PCDHA5: variants seen among roughly 807,000 people sequenced by gnomAD.
PCDHA5 encodes protocadherin alpha-5.
In PCDHA5, 43 loss-of-function variants were observed where a neutral mutation model predicts 61.6. The ratio of observed to expected loss-of-function variants is 0.70; its 90% CI spans 0.55 to 0.90. The LOEUF is 0.90. Among genes scored for constraint, PCDHA5 ranks in the 40% least tolerant of loss-of-function variants. The pLI, the probability that PCDHA5 is intolerant of heterozygous loss-of-function variation, is 0.00. For missense variants in PCDHA5, 1,298 were observed against 1,222.7 expected (o/e 1.06, Z -0.92); for synonymous variants, 627 against 543.9 (o/e 1.15, Z -2.13).
chr5:140,963,386 A>G (rs189164274), intron 1 of PCDHA5, among the ~76,000 whole-genome samples: 2 of 152,344 alleles, frequency 1.3e-5, no homozygotes, highest in Admixed American at 1.3e-4. Flanking sequence ...CTCTGTGCCA[A>G]GCTCCCTACT....
chr5:140,822,712 A>G lies in PCDHA5; in HGVS notation c.937A>G (p.Asn313Asp), dbSNP rs1374875942. 2.5e-6 allele frequency: 4 copies of G among 1,610,830 alleles called. No individual in the cohort carries two copies. Among genetic ancestry groups the G allele is most frequent in the African/African-American group, 2.7e-5 (2 of 74,872 alleles). ...VNGELDYEDY[N>D]SYEINIDAMD... ...CGGGGAACTGGATTATGAAGACTATAACTCATATGAAATTAATATTGATGC... is the reference window on the plus strand; with the variant it reads ...CGGGGAACTGGATTATGAAGACTATGACTCATATGAAATTAATATTGATGC... The change falls in exon 1 of 4, where the codon AAC (asparagine) becomes GAC (aspartate). Residue 313 changes from asparagine to aspartate, a missense_variant. Transcript: ENST00000529859.
chr5:140,871,588 T>C, intron 1 of PCDHA5: 1 of 1,463,366 alleles, frequency 6.8e-7, no homozygotes, highest in Non-Finnish European at 9.1e-7. Context: ...GAAAGTTTTA[T>C]GAATAACCAG....
intron 1 of PCDHA5, among the ~76,000 whole-genome samples, chr5:140,947,946 C>T (rs1396530064): frequency 2.0e-5 from 3 of 151,452 alleles, no homozygotes; most frequent in African/African-American, 7.3e-5. Flanking sequence ...AAAAGTGTTC[C>T]ATATTTTACA....
chr5:140,851,081 A>G, intron 1 of PCDHA5: 1 of 1,303,802 alleles, frequency 7.7e-7, no homozygotes, highest in Non-Finnish European at 1.0e-6. Flanking sequence ...TATAAACTGT[A>G]TATTAAATAG....
chr5:140,838,485 T>C (rs1233460301), intron 1 of PCDHA5, among the ~76,000 whole-genome samples: 2 of 151,892 alleles, frequency 1.3e-5, no homozygotes, highest in Non-Finnish European at 2.9e-5. Flanking sequence ...TGTTTTTGAT[T>C]ATTTGCTTTC....
At chr5:140,869,682 A>AGG in intron 1 of PCDHA5, 3 of 1,613,466 alleles carry the variant, frequency 1.9e-6, no homozygotes, top group Non-Finnish European at 2.5e-6. Context: ...AAAGACTGTC[A>AGG]CTTATTTTAA....
rs550257645 is a variant in PCDHA5 at position 140,858,423 on chromosome 5, A to G, written c.2352+34296A>G. 7.3e-5 allele frequency: 113 copies of G among 1,554,520 alleles called. 7 individuals carry two copies. In the South Asian group the frequency reaches 1.0e-3, roughly 14 times the overall value. On this transcript the variant is annotated intron_variant, in intron 1 of 3. Coordinates refer to ENST00000529859, the MANE Select transcript of PCDHA5 (RefSeq NM_018908.3). ...GGGGAAGATCAGTCTATTGGAGGGG[A>G]CCACTCTAGGAAGGTGGGTTATTAC...
chr5:140,869,918 G>A, intron 1 of PCDHA5: 1 of 1,611,272 alleles, frequency 6.2e-7, no homozygotes. Context: ...CGAGACGAAG[G>A]AGTCAATGGA....
chr5:140,935,835 A>G (rs1405712064), intron 1 of PCDHA5, among the ~76,000 whole-genome samples: 3 of 151,830 alleles, frequency 2.0e-5, no homozygotes, highest in Admixed American at 6.6e-5. Flanking sequence ...CACATATTCC[A>G]TACTGCTTAA....
At position 140,835,349 on chromosome 5, in the gene PCDHA5, T is replaced by C. The variant is rs2150234349; in HGVS notation, c.2352+11222T>C. ...GAGCACACAAGATCCCAGTCGAGGC[T>C]GTCGATAAAGGCTTCCCACCCCTGG... On this transcript the variant is annotated intron_variant, in intron 1 of 3. Coordinates refer to ENST00000529859, the MANE Select transcript of PCDHA5 (RefSeq NM_018908.3). 5.4e-5 allele frequency: 87 copies of C among 1,613,822 alleles called. No individual in the cohort carries two copies. In the Middle Eastern group the frequency reaches 9.9e-4, roughly 18 times the overall value.
Position 141,009,727 on chromosome 5 carries a change from C to T in PCDHA5, c.2601C>T (p.Pro867=), listed in dbSNP as rs781880006. The part of the protein sequence containing the change: ...YGPGNPKQSG[P]GELPDKFIIP... ...CAGGCAACCCCAAACAATCCGGTCC[C>T]GGTGAGTTGCCCGACAAATTCATTA... Residue 867 remains proline, a synonymous_variant, in exon 4 of 4, where the codon CCC becomes CCT. Coordinates refer to ENST00000529859, the MANE Select transcript of PCDHA5 (RefSeq NM_018908.3). The T allele has an allele frequency of 3.1e-6, 5 of 1,614,022 alleles. No homozygotes were observed. The highest frequency in any genetic ancestry group is 2.2e-5 in the East Asian group (1 of 44,886).
intron 1 of PCDHA5, among the ~76,000 whole-genome samples, chr5:140,921,272 C>T (rs2080137544): frequency 6.6e-6 from 1 of 152,074 alleles, no homozygotes; most frequent in African/African-American, 2.4e-5. Context: ...TTTATACTTA[C>T]TTGAAAAAAA....
At chr5:140,876,906 G>T (rs782762108) in intron 1 of PCDHA5, 13 of 1,613,908 alleles carry the variant, frequency 8.1e-6, no homozygotes, top group South Asian at 2.2e-5. Flanking sequence ...TCACGGTGTC[G>T]GCATGGGACG....
At chr5:140,966,488 C>A (rs1161799910) in intron 1 of PCDHA5, 8 of 440,132 alleles carry the variant, frequency 1.8e-5, no homozygotes, top group Admixed American at 8.7e-5. Flanking sequence ...TTTCCCTCCC[C>A]CTGGAGCTGT....
At chr5:140,839,904 A>G (rs2150301613) in intron 1 of PCDHA5, among the ~76,000 whole-genome samples, 18 of 152,076 alleles carry the variant, frequency 1.2e-4, no homozygotes, top group African/African-American at 4.3e-4. Context: ...AAGATGAAGT[A>G]ATAGAAGAAA....
At chr5:140,941,185 C>CTTTT (rs782102770) in intron 1 of PCDHA5, among the ~76,000 whole-genome samples, 28 of 102,174 alleles carry the variant, frequency 2.7e-4, no homozygotes, top group African/African-American at 6.8e-4. Flanking sequence ...CATCCTGCTT[C>CTTTT]TTTTTTTTTC....
At chr5:140,829,528 G>T (rs1554132046) in intron 1 of PCDHA5, 12 of 1,613,294 alleles carry the variant, frequency 7.4e-6, no homozygotes, top group Non-Finnish European at 1.0e-5. Flanking sequence ...CGGTGTCTGC[G>T]CGAGACGCGG....
chr5:141,004,627 T>C lies in PCDHA5; in HGVS notation c.2501-5000T>C, dbSNP rs538896289. On this transcript the variant is annotated intron_variant, in intron 3 of 3. Transcript: ENST00000529859. ...GCCTCATGCAGAGTCCTGGTTATGG[T>C]TGAAGAAAAATTTCCATTTTGGGCT... 3.9e-5 allele frequency among the ~76,000 whole-genome samples: 6 copies of C among 152,330 alleles called. No individual in the cohort carries two copies. The East Asian group carries it at 1.2e-3, about 29-fold the overall frequency.
At chr5:140,863,178 C>A (rs1420894530) in intron 1 of PCDHA5, 10 of 736,748 alleles carry the variant, frequency 1.4e-5, no homozygotes, top group Admixed American at 1.3e-4. Context: ...TGACTGCCAC[C>A]GTCACCGTGG....
Sources: allele counts gnomAD v4.1 joint callset (sites outside exome capture counted in the v4.1 genomes callset), GRCh38; gene constraint gnomAD v4.1.1; transcripts MANE v1.5; gene names NCBI Gene and HGNC (gene_info 2026-07-23, HGNC 2026-07-21).